Variants in ELL2 observed in about 807,000 individuals in gnomAD.
ELL2 encodes the protein elongation factor for RNA polymerase II 2.
ELL2 carries 21 observed loss-of-function variants against 72.8 expected under a neutral mutation model. The ratio of observed to expected loss-of-function variants is 0.29; its 90% CI spans 0.20 to 0.42. The LOEUF (loss-of-function observed/expected upper bound fraction) is 0.42. Among genes scored for constraint, ELL2 ranks in the 10% least tolerant of loss-of-function variants. The pLI, the probability that ELL2 is intolerant of heterozygous loss-of-function variation, is 1.00. For missense variants in ELL2, 568 were observed against 772.8 expected (o/e 0.73, Z 3.14); for synonymous variants, 266 against 283.2 (o/e 0.94, Z 0.61).
intron 9 of ELL2, among the ~76,000 whole-genome samples, chr5:95,892,403 T>C (rs1448993038): frequency 1.3e-5 from 2 of 152,226 alleles, no homozygotes; most frequent in Non-Finnish European, 2.9e-5. Context: ...CGCCTTGGCC[T>C]CCCAAAGTGC....
rs556026482 is a variant in ELL2 at position 95,886,240 on chromosome 5, TATAA to T, written c.*2627_*2630del. The T allele has an allele frequency of 2.4e-4, 36 of 152,324 alleles. No individual in the cohort carries two copies. In the East Asian group the frequency reaches 6.6e-3, roughly 28 times the overall value. 9.4% of individuals were successfully genotyped at this position (152,324 alleles called of 1,614,324 possible). On this transcript the variant is annotated 3_prime_UTR_variant, in exon 12 of 12. Coordinates refer to ENST00000237853, the MANE Select transcript of ELL2 (RefSeq NM_012081.6). The stretch of plus-strand genomic sequence containing the variant: ...CTTGCAGTAGGGGACGAAAAATGAT[TATAA>T]ATATTTTAATAGGCTCATGCCTCAT...
intron 5 of ELL2, among the ~76,000 whole-genome samples, chr5:95,904,067 TTAAATGCAGTC>T (rs149190204): frequency 0.033 from 5,051 of 152,292 alleles, 141 homozygotes; most frequent in Admixed American, 0.074. Flanking sequence ...CGTAGAAGTC[TTAAATGCAGTC>T]TAAATGCAGT....
chr5:95,909,769 G>A (rs1377194852), intron 4 of ELL2, among the ~76,000 whole-genome samples: 1 of 152,152 alleles, frequency 6.6e-6, no homozygotes, highest in Non-Finnish European at 1.5e-5. Context: ...TCATAACAAG[G>A]AGTCCAATTC....
intron 4 of ELL2, among the ~76,000 whole-genome samples, chr5:95,907,853 C>T (rs528098783): frequency 2.0e-5 from 3 of 152,328 alleles, no homozygotes; most frequent in South Asian, 4.1e-4. Context: ...GTAAAAGCAG[C>T]TCCTATAAGC....
At chr5:95,918,128 T>G (rs954530248) in intron 3 of ELL2, among the ~76,000 whole-genome samples, 1 of 152,234 alleles carries the variant, frequency 6.6e-6, no homozygotes, top group Non-Finnish European at 1.5e-5. Flanking sequence ...GGTGATTCTA[T>G]AATCTATCAT....
Position 95,941,181 on chromosome 5 carries a change from T to A in ELL2, c.195+1821A>T, listed in dbSNP as rs1580528616. ...TCACCATTTGCTTGGGTTAAAAAGC[T>A]TATCTGTTAAAATTCAAACACCCAT... is the stretch of plus-strand genomic sequence containing the variant. On this transcript the variant is annotated intron_variant, in intron 2 of 11. Coordinates refer to ENST00000237853, the MANE Select transcript of ELL2 (RefSeq NM_012081.6). Among the ~76,000 whole-genome samples the A allele has an allele frequency of 2.0e-5, 3 of 152,282 alleles. No individual in the cohort carries two copies. The South Asian group carries it at 6.2e-4, about 32-fold the overall frequency.
intron 2 of ELL2, among the ~76,000 whole-genome samples, chr5:95,922,875 A>G (rs1379781569): frequency 6.6e-6 from 1 of 152,270 alleles, no homozygotes; most frequent in African/African-American, 2.4e-5. Flanking sequence ...TGTGTTACAC[A>G]TAGATTAAAA....
intron 2 of ELL2, among the ~76,000 whole-genome samples, chr5:95,925,712 A>G (rs1750257276): frequency 6.6e-6 from 1 of 152,226 alleles, no homozygotes; most frequent in Non-Finnish European, 1.5e-5. Context: ...TCTTTCCTCA[A>G]ATAAATTTAG....
intron 5 of ELL2, among the ~76,000 whole-genome samples, chr5:95,904,376 T>G (rs1462275701): frequency 7.2e-5 from 11 of 152,206 alleles, no homozygotes; most frequent in Non-Finnish European, 1.6e-4. Flanking sequence ...TTTCTGATTG[T>G]TAAAATTTAG....
chr5:95,944,849 A>T (rs3777174), intron 1 of ELL2, among the ~76,000 whole-genome samples: 1 of 152,198 alleles, frequency 6.6e-6, no homozygotes, highest in East Asian at 1.9e-4. Flanking sequence ...CAGCTCACCA[A>T]TGAAATTTGA....
intron 7 of ELL2, 104 bp downstream of exon 7, chr5:95,900,589 G>A: frequency 1.2e-6 from 1 of 856,848 alleles, no homozygotes; most frequent in Non-Finnish European, 1.7e-6. Context: ...CAGGCAAGCT[G>A]TCCAGCTTCT....
intron 4 of ELL2, among the ~76,000 whole-genome samples, chr5:95,907,296 A>ATATATATATTTTTTTTTTT: frequency 2.7e-4 from 32 of 116,484 alleles, no homozygotes; most frequent in African/African-American, 1.2e-3. Flanking sequence ...ATATATATAT[A>ATATATATATTTTTTTTTTT]TTTTTTTTTT....
rs372449942 is a variant in ELL2, at chr5:95,959,745, C to A, written c.147+1830G>T. ...CCTGTGCATGCACTCCTCCCTGACG[C>A]CCCCTCACCCCACCACACAAAGTCT... On this transcript the variant is annotated intron_variant, in intron 1 of 11. Transcript: ENST00000237853. Among the ~76,000 whole-genome samples, 64 of 152,286 alleles carry A rather than the reference C, an allele frequency of 4.2e-4. 1 individual carries two copies. The highest frequency in any genetic ancestry group is 3.4e-3 in the Middle Eastern group (1 of 294).
chr5:95,928,893 G>A (rs1349252575), intron 2 of ELL2, among the ~76,000 whole-genome samples: 1 of 152,110 alleles, frequency 6.6e-6, no homozygotes, highest in South Asian at 2.1e-4. Context: ...CAGTATATAT[G>A]TTTCCTTGTC....
At chr5:95,889,888 A>AG (rs1036916409) in intron 10 of ELL2, among the ~76,000 whole-genome samples, 8 of 120,340 alleles carry the variant, frequency 6.6e-5, no homozygotes, top group Non-Finnish European at 6.9e-5. Flanking sequence ...GGGATTGGTG[A>AG]GGGGGGGAGT....
At chr5:95,905,609 G>C (rs1158833663) in intron 5 of ELL2, among the ~76,000 whole-genome samples, 1 of 152,106 alleles carries the variant, frequency 6.6e-6, no homozygotes, top group African/African-American at 2.4e-5. Flanking sequence ...AGATACCTTG[G>C]GGACTGGCTA....
chr5:95,956,159 C>T (rs886471090), intron 1 of ELL2, among the ~76,000 whole-genome samples: 2 of 152,084 alleles, frequency 1.3e-5, no homozygotes, highest in African/African-American at 4.8e-5. Context: ...TGTTCCAATC[C>T]TTCACATATG....
chr5:95,961,519 GC>G (rs997198626), intron 1 of ELL2, 55 bp downstream of exon 1: 4 of 1,458,020 alleles, frequency 2.7e-6, no homozygotes, highest in Non-Finnish European at 3.6e-6. Flanking sequence ...GCGCGGCCAG[GC>G]CGTGAGGGGT....
intron 1 of ELL2, among the ~76,000 whole-genome samples, chr5:95,959,271 C>G (rs774972129): frequency 6.6e-6 from 1 of 152,196 alleles, no homozygotes; most frequent in Non-Finnish European, 1.5e-5. Flanking sequence ...GGCTGACCTA[C>G]TGCCCCCAGA....
Sources: allele counts gnomAD v4.1 joint callset (sites outside exome capture counted in the v4.1 genomes callset), GRCh38; gene constraint gnomAD v4.1.1; transcripts MANE v1.5; gene names NCBI Gene and HGNC (gene_info 2026-07-23, HGNC 2026-07-21).